Variants in DIXDC1 observed in about 807,000 individuals in gnomAD.
DIXDC1 encodes the protein DIX domain containing 1, also known as dixin.
In DIXDC1, 64 loss-of-function variants were observed where a neutral mutation model predicts 103.1. The ratio of observed to expected loss-of-function variants is 0.62; its 90% confidence interval spans 0.51 to 0.76. The LOEUF is 0.76. DIXDC1 is among the 30% of genes least tolerant of loss of function. The pLI, the probability that DIXDC1 is intolerant of heterozygous loss-of-function variation, is 0.00. For missense variants in DIXDC1, 759 were observed against 834.2 expected (o/e 0.91, Z 1.11); for synonymous variants, 266 against 298.5 (o/e 0.89, Z 1.12).
intron 1 of DIXDC1, among the ~76,000 whole-genome samples, chr11:111,952,904 G>A (rs1966843489): frequency 2.0e-5 from 3 of 151,920 alleles, no homozygotes; most frequent in Non-Finnish European, 4.4e-5. Flanking sequence ...ACTAGAGGAT[G>A]GATTGAACTT....
At chr11:111,968,437 T>C in intron 2 of DIXDC1, 76 bp from the exon 3 acceptor site, 2 of 1,490,974 alleles carry the variant, frequency 1.3e-6, no homozygotes, top group South Asian at 2.5e-5. Context: ...AATCTTCCCT[T>C]CCTCTGTGTC....
In DIXDC1 at chr11:111,956,199, A is replaced by G. The variant is rs187370244; in HGVS notation, c.61-8350A>G. ...TCAGTTCATAAAGACCAAAAGTAGA[A>G]TGGTGGTTGCCAAGGGCTAAGTGGA... is the stretch of plus-strand genomic sequence containing the variant. On this transcript the variant is annotated intron_variant, in intron 1 of 19. Transcript: ENST00000440460. 1.1e-3 allele frequency among the ~76,000 whole-genome samples: 174 copies of G among 152,278 alleles called. 1 individual carries two copies. Among genetic ancestry groups the G allele is most frequent in the African/African-American group, 3.8e-3 (157 of 41,544 alleles).
intron 1 of DIXDC1, among the ~76,000 whole-genome samples, chr11:111,961,269 A>T (rs1328089177): frequency 6.6e-6 from 1 of 152,176 alleles, no homozygotes; most frequent in Non-Finnish European, 1.5e-5. Context: ...GTACATCCTG[A>T]AAGTTTTAGG....
intron 1 of DIXDC1, chr11:111,928,291 T>A (rs1207598668): frequency 6.6e-6 from 1 of 152,152 alleles, no homozygotes; most frequent in African/African-American, 2.4e-5. Context: ...GGCTCACGCC[T>A]GTAATCCCAG....
intron 17 of DIXDC1, among the ~76,000 whole-genome samples, chr11:112,001,634 A>G (rs1861067726): frequency 6.6e-6 from 1 of 152,234 alleles, no homozygotes; most frequent in Non-Finnish European, 1.5e-5. Flanking sequence ...AGTGCAGTCA[A>G]CTAGCCTGAA....
intron 1 of DIXDC1, among the ~76,000 whole-genome samples, chr11:111,956,305 T>A (rs1555170559): frequency 6.6e-6 from 1 of 152,190 alleles, no homozygotes; most frequent in African/African-American, 2.4e-5. Flanking sequence ...TTCACAACAA[T>A]GTGAATATAC....
chr11:111,937,623 G>A, intron 1 of DIXDC1, 64 bp downstream of exon 1: 1 of 1,506,290 alleles, frequency 6.6e-7, no homozygotes, highest in Non-Finnish European at 9.0e-7. Flanking sequence ...CCAGTCTCCG[G>A]AAGGGGTCCT....
At chr11:111,956,046 A>G (rs1859353031) in intron 1 of DIXDC1, among the ~76,000 whole-genome samples, 1 of 151,314 alleles carries the variant, frequency 6.6e-6, no homozygotes, top group Middle Eastern at 3.2e-3. Context: ...TTCAGCCTTG[A>G]AAAGGAAAGA....
At chr11:111,972,398 C>T (rs1036155025) in intron 3 of DIXDC1, among the ~76,000 whole-genome samples, 1 of 152,132 alleles carries the variant, frequency 6.6e-6, no homozygotes, top group African/African-American at 2.4e-5. Context: ...CCATTTAGGA[C>T]ATCATTGTCA....
intron 7 of DIXDC1, among the ~76,000 whole-genome samples, chr11:111,983,846 A>G (rs1860403438): frequency 6.6e-6 from 1 of 152,230 alleles, no homozygotes; most frequent in Non-Finnish European, 1.5e-5. Context: ...GTAGAATACA[A>G]AAGGGCTCAC....
intron 17 of DIXDC1, among the ~76,000 whole-genome samples, chr11:111,997,350 C>CG (rs1860934403): frequency 6.6e-6 from 1 of 151,058 alleles, no homozygotes; most frequent in African/African-American, 2.4e-5. Context: ...TTTTTAGCGG[C>CG]GGGGGATGGA....
At chr11:111,985,763 G>C (rs1191877618) in intron 8 of DIXDC1, among the ~76,000 whole-genome samples, 1 of 151,990 alleles carries the variant, frequency 6.6e-6, no homozygotes, top group Non-Finnish European at 1.5e-5. Context: ...TTCCAGCTCA[G>C]CTCTTGCTAT....
At chr11:111,951,757 C>A (rs1966812422) in intron 1 of DIXDC1, among the ~76,000 whole-genome samples, 1 of 152,152 alleles carries the variant, frequency 6.6e-6, no homozygotes, top group African/African-American at 2.4e-5. Context: ...TGCACAAACT[C>A]TGTCTCTCTT....
chr11:111,999,212 G>T (rs1413725667), intron 17 of DIXDC1, among the ~76,000 whole-genome samples: 1 of 152,132 alleles, frequency 6.6e-6, no homozygotes, highest in Non-Finnish European at 1.5e-5. Flanking sequence ...AAAGAGTATT[G>T]TACTTTCTGA....
At position 111,954,112 on chromosome 11, in the gene DIXDC1, T is replaced by C. The variant is rs1555170345; in HGVS notation, c.61-10437T>C. Reference sequence around the variant, plus strand: ...TTTATTGTGCACTTTATTTTTGTATTATTACATTGTAATATATAATGAAAT... The same window carrying C: ...TTTATTGTGCACTTTATTTTTGTATCATTACATTGTAATATATAATGAAAT... On this transcript the variant is annotated intron_variant, in intron 1 of 19. Transcript: ENST00000440460. 2.0e-5 allele frequency among the ~76,000 whole-genome samples: 3 copies of C among 152,200 alleles called. No individual in the cohort carries two copies. In the South Asian group the frequency reaches 6.2e-4, roughly 32 times the overall value.
rs587633237 is a variant in DIXDC1 at position 111,988,466 on chromosome 11, A to G, written c.1063-539A>G. Among the ~76,000 whole-genome samples the G allele has an allele frequency of 3.3e-5, 5 of 152,306 alleles. No individual in the cohort carries two copies. In the East Asian group the frequency reaches 7.7e-4, roughly 23 times the overall value. ...ATTTCCTAGTGACAATCGTATACAT[A>G]TATTTTATCTATTGTAAGGGAATGT... On this transcript the variant is annotated intron_variant, in intron 9 of 19. Transcript: ENST00000440460.
At chr11:111,945,909 C>G (rs1285789403) in intron 1 of DIXDC1, 1 of 149,054 alleles carries the variant, frequency 6.7e-6, no homozygotes, top group African/African-American at 2.5e-5. Flanking sequence ...GCTGGAATTA[C>G]AGGCATACAC....
chr11:112,000,495 G>A (rs1008253135), intron 17 of DIXDC1, among the ~76,000 whole-genome samples: 3 of 152,024 alleles, frequency 2.0e-5, no homozygotes, highest in African/African-American at 7.2e-5. Context: ...TCAGGAGATC[G>A]AGACCACCCT....
chr11:111,985,878 C>A (rs1335535903), intron 8 of DIXDC1, among the ~76,000 whole-genome samples: 1 of 152,192 alleles, frequency 6.6e-6, no homozygotes, highest in Non-Finnish European at 1.5e-5. Flanking sequence ...TAAAGTGTTT[C>A]TGTCCTCTGC....
Sources: gnomAD v4.1 joint callset for allele counts (sites outside exome capture counted in the v4.1 genomes callset) on GRCh38, gnomAD v4.1.1 for gene constraint, MANE v1.5 for transcripts, NCBI Gene and HGNC (gene_info 2026-07-23, HGNC 2026-07-21) for gene names.